Variants in PCDHA9 observed in about 807,000 individuals in gnomAD.
The protein encoded by PCDHA9 is protocadherin alpha 9.
A neutral mutation model predicts 62.0 loss-of-function variants in PCDHA9; 62 were observed. That is an observed-to-expected ratio of 1.00 (90% CI 0.81 to 1.23). The LOEUF is 1.23. Ranked by LOEUF, PCDHA9 falls within the 50% of genes most tolerant of loss-of-function variation. The pLI is 0.00. For synonymous variants in PCDHA9, 557 were observed against 567.6 expected (o/e 0.98, Z 0.27); for missense variants, 1,205 against 1,249.8 (o/e 0.96, Z 0.54).
chr5:140,927,921 G>A, intron 1 of PCDHA9: 2 of 1,614,194 alleles, frequency 1.2e-6, no homozygotes, highest in South Asian at 1.1e-5. Context: ...TGGACTTCCT[G>A]ACTCTTTCGA....
chr5:140,963,509 G>A, intron 1 of PCDHA9, among the ~76,000 whole-genome samples: 1 of 152,164 alleles, frequency 6.6e-6, no homozygotes, highest in Non-Finnish European at 1.5e-5. Flanking sequence ...CTCTTGAAGG[G>A]GTTCTCATAA....
rs1563353899 is a variant in PCDHA9, at chr5:140,966,713, G to A, written c.2395-12236G>A. The A allele has an allele frequency of 4.3e-6, 6 of 1,392,826 alleles. No individual in the cohort carries two copies. The African/African-American group carries it at 9.1e-5, about 21-fold the overall frequency. 86.3% of individuals were successfully genotyped at this position (1,392,826 alleles called of 1,614,324 possible). ...CGGGGCCCGGGCGTGGGGCACGGCTGGGGAAGCTGCCGCCTCCGGCCCTGC... is the reference window on the plus strand; with the variant it reads ...CGGGGCCCGGGCGTGGGGCACGGCTAGGGAAGCTGCCGCCTCCGGCCCTGC... On this transcript the variant is annotated intron_variant, in intron 1 of 3. Transcript: ENST00000532602.
At chr5:140,861,404 G>A in intron 1 of PCDHA9, 2 of 468,962 alleles carry the variant, frequency 4.3e-6, no homozygotes, top group East Asian at 5.7e-5. Flanking sequence ...AGCTTGTGGA[G>A]CTGATACCGC....
intron 1 of PCDHA9, among the ~76,000 whole-genome samples, chr5:140,899,769 T>C (rs376898324): frequency 4.6e-4 from 70 of 152,316 alleles, no homozygotes; most frequent in African/African-American, 1.7e-3. Flanking sequence ...CAGTTCCTCC[T>C]TTTACCTCTG....
At chr5:140,851,695 G>T in intron 1 of PCDHA9, 1 of 939,814 alleles carries the variant, frequency 1.1e-6, no homozygotes, top group Non-Finnish European at 1.3e-6. Flanking sequence ...GTGATAAAAT[G>T]ATCAGCCATG....
At chr5:140,851,638 T>G in intron 1 of PCDHA9, 1 of 915,858 alleles carries the variant, frequency 1.1e-6, no homozygotes, top group Non-Finnish European at 1.3e-6. Context: ...AAGTGTTTCC[T>G]TTCTTCAAGA....
chr5:140,939,466 AT>A (rs1364092543), intron 1 of PCDHA9, among the ~76,000 whole-genome samples: 31 of 152,168 alleles, frequency 2.0e-4, no homozygotes, highest in African/African-American at 7.5e-4. Flanking sequence ...TAGGCCTAGA[AT>A]TCTCTTCATG....
chr5:141,000,185 G>A (rs1434179793), intron 3 of PCDHA9, among the ~76,000 whole-genome samples: 1 of 151,896 alleles, frequency 6.6e-6, no homozygotes, highest in African/African-American at 2.4e-5. Flanking sequence ...AGGAGTCAAT[G>A]TGAGAATAGT....
intron 1 of PCDHA9, chr5:140,928,748 G>T (rs191251073): frequency 6.2e-7 from 1 of 1,614,114 alleles, no homozygotes; most frequent in Admixed American, 1.7e-5. Flanking sequence ...GGTGAGCTCC[G>T]TACTGCTCGC....
At chr5:140,920,841 T>TAAAAA (rs781921146) in intron 1 of PCDHA9, among the ~76,000 whole-genome samples, 2 of 109,230 alleles carry the variant, frequency 1.8e-5, no homozygotes, top group Non-Finnish European at 1.9e-5. Flanking sequence ...AGACCAAATC[T>TAAAAA]AAAAAAAAAA....
chr5:140,925,267 G>C (rs931372584), intron 1 of PCDHA9, among the ~76,000 whole-genome samples: 14 of 152,060 alleles, frequency 9.2e-5, no homozygotes, highest in Non-Finnish European at 1.9e-4. Flanking sequence ...CTTGATCTGT[G>C]TTCAGATTTT....
rs114851794 is a variant in PCDHA9, at chr5:140,908,247, A to G, written c.2394+57358A>G. ...GTCCTTAGTCTTCTCTTCCTCATCA[A>G]CTGATCATAGGGAACTCCCCATGAG... On this transcript the variant is annotated intron_variant, in intron 1 of 3. Coordinates refer to ENST00000532602, the MANE Select transcript of PCDHA9 (RefSeq NM_031857.2). Among the ~76,000 whole-genome samples, 435 of 152,170 alleles carry G rather than the reference A, an allele frequency of 2.9e-3. 1 individual carries two copies. Among genetic ancestry groups the G allele is most frequent in the African/African-American group, 9.6e-3 (400 of 41,506 alleles).
At chr5:140,954,692 C>T (rs1428031536) in intron 1 of PCDHA9, among the ~76,000 whole-genome samples, 10 of 151,966 alleles carry the variant, frequency 6.6e-5, no homozygotes, top group African/African-American at 2.4e-4. Flanking sequence ...GATGGATAGA[C>T]TACAAAATTT....
rs1469942879 is a variant in PCDHA9 at position 140,849,605 on chromosome 5, C to G, written c.1110C>G (p.Ala370=). 1 of 1,598,466 alleles carries G rather than the reference C, an allele frequency of 6.3e-7. No individual in the cohort carries two copies. Among genetic ancestry groups the G allele is most frequent in the Non-Finnish European group, 8.6e-7 (1 of 1,167,902 alleles). Residue 370 remains alanine, a synonymous_variant, in exon 1 of 4, where the codon GCC becomes GCG. Coordinates refer to ENST00000532602, the MANE Select transcript of PCDHA9 (RefSeq NM_031857.2). ...KEDAQLGTVI[A]LISVIDLDAD... ...ACGCACAACTGGGGACAGTTATTGC[C>G]CTGATTAGTGTGATCGACCTAGACG...
At chr5:140,954,237 A>G (rs1442141242) in intron 1 of PCDHA9, among the ~76,000 whole-genome samples, 14 of 152,338 alleles carry the variant, frequency 9.2e-5, no homozygotes, top group Middle Eastern at 3.4e-3. Flanking sequence ...TAGTGCTGCA[A>G]TGAACATACA....
At chr5:141,000,857 A>G (rs1002294819) in intron 3 of PCDHA9, among the ~76,000 whole-genome samples, 7 of 152,132 alleles carry the variant, frequency 4.6e-5, no homozygotes, top group African/African-American at 1.7e-4. Context: ...GCAGTCAGCC[A>G]TGACCTCACC....
chr5:140,941,251 CTT>C (rs1177440606), intron 1 of PCDHA9, among the ~76,000 whole-genome samples: 1 of 121,786 alleles, frequency 8.2e-6, no homozygotes, highest in African/African-American at 3.1e-5. Flanking sequence ...TTCTTTCTTT[CTT>C]TCTCTTTCTT....
chr5:140,939,993 G>A (rs889924458), intron 1 of PCDHA9, among the ~76,000 whole-genome samples: 3 of 151,902 alleles, frequency 2.0e-5, no homozygotes, highest in African/African-American at 7.3e-5. Context: ...GTTTCTCCTT[G>A]GATTTTGTCA....
At chr5:140,879,180 G>C (rs1459369751) in intron 1 of PCDHA9, among the ~76,000 whole-genome samples, 14 of 152,206 alleles carry the variant, frequency 9.2e-5, no homozygotes, top group African/African-American at 3.4e-4. Context: ...TAGGTATCAA[G>C]TAATGGAGAC....
Sources: gnomAD v4.1 joint callset for allele counts (sites outside exome capture counted in the v4.1 genomes callset) on GRCh38, gnomAD v4.1.1 for gene constraint, MANE v1.5 for transcripts, NCBI Gene and HGNC (gene_info 2026-07-23, HGNC 2026-07-21) for gene names.